The following MERTK variants were observed in gnomAD, a reference collection of about 807,000 sequenced individuals.
MERTK encodes the protein MER proto-oncogene, tyrosine kinase.
MERTK carries 69 observed loss-of-function variants against 99.3 expected under a neutral mutation model. The ratio of observed to expected loss-of-function variants is 0.70; its 90% CI spans 0.57 to 0.85. MERTK has a LOEUF of 0.85. MERTK is among the 40% of genes least tolerant of loss of function. The probability of loss-of-function intolerance (pLI) is 0.00; values close to 1 mark genes in which losing one functional copy is unlikely to be tolerated. For missense variants in MERTK, 1,125 were observed against 1,249.4 expected, an observed-to-expected ratio of 0.90 and a Z score of 1.50; for synonymous variants, 426 against 467.6, an observed-to-expected ratio of 0.91 and a Z score of 1.15.
intron 7 of MERTK, among the ~76,000 whole-genome samples, chr2:111,982,086 G>T (rs1211147743): frequency 1.3e-5 from 2 of 151,060 alleles, no homozygotes; most frequent in Admixed American, 6.6e-5. Flanking sequence ...TTGAGATAGG[G>T]TCTTGCCCTG....
chr2:111,988,059 G>T (rs539899664), intron 8 of MERTK, among the ~76,000 whole-genome samples: 1 of 149,264 alleles, frequency 6.7e-6, no homozygotes, highest in Non-Finnish European at 1.5e-5. Flanking sequence ...GCACGATCTC[G>T]GCTCACTGCA....
chr2:112,025,267 C>T (rs1677440443), intron 18 of MERTK, among the ~76,000 whole-genome samples: 1 of 152,174 alleles, frequency 6.6e-6, no homozygotes, highest in African/African-American at 2.4e-5. Flanking sequence ...CTACCTGCAT[C>T]AGCCACCTTG....
intron 4 of MERTK, among the ~76,000 whole-genome samples, chr2:111,947,884 G>T (rs1684989612): frequency 6.6e-6 from 1 of 152,168 alleles, no homozygotes; most frequent in Non-Finnish European, 1.5e-5. Flanking sequence ...TTGCTGGTCT[G>T]TCAGGTCTTG....
chr2:111,923,163 G>A (rs1684496719), intron 1 of MERTK, among the ~76,000 whole-genome samples: 1 of 152,170 alleles, frequency 6.6e-6, no homozygotes, highest in South Asian at 2.1e-4. Flanking sequence ...CAATCATCAT[G>A]ATGGGTTCAG....
At chr2:111,999,166 A>G (rs1275313357) in intron 10 of MERTK, among the ~76,000 whole-genome samples, 1 of 152,204 alleles carries the variant, frequency 6.6e-6, no homozygotes, top group African/African-American at 2.4e-5. Context: ...TCTCTTTAAA[A>G]TAATCTATGT....
chr2:111,942,711 G>A (rs1292590964), intron 2 of MERTK, among the ~76,000 whole-genome samples: 2 of 152,120 alleles, frequency 1.3e-5, no homozygotes, highest in South Asian at 2.1e-4. Context: ...ACAAAAGAAC[G>A]AGGGGAAAGG....
In MERTK at chr2:111,951,895, A is replaced by G. The variant is rs138736460; in HGVS notation, c.757+4328A>G. The stretch of plus-strand genomic sequence containing the variant: ...AATTATTTACTATTAGTAAATAGAA[A>G]ATAGATTTTTGTATGTTTTATAAAA... On this transcript the variant is annotated intron_variant, in intron 4 of 18. Coordinates refer to ENST00000295408, the MANE Select transcript of MERTK (RefSeq NM_006343.3). 5.5e-3 allele frequency among the ~76,000 whole-genome samples: 840 copies of G among 152,250 alleles called. 9 individuals carry two copies. Among genetic ancestry groups the G allele is most frequent in the African/African-American group, 0.02 (811 of 41,536 alleles).
chr2:111,914,903 A>G (rs1372661860), intron 1 of MERTK, among the ~76,000 whole-genome samples: 1 of 152,190 alleles, frequency 6.6e-6, no homozygotes, highest in Non-Finnish European at 1.5e-5. Flanking sequence ...CTAGCTTCAT[A>G]AAATATATTA....
intron 8 of MERTK, among the ~76,000 whole-genome samples, chr2:111,993,373 G>A (rs1426750831): frequency 6.6e-6 from 1 of 152,118 alleles, no homozygotes; most frequent in African/African-American, 2.4e-5. Flanking sequence ...GTTACCAATA[G>A]CACTGCCTTT....
intron 6 of MERTK, among the ~76,000 whole-genome samples, chr2:111,969,867 A>G (rs1197707030): frequency 6.6e-6 from 1 of 150,548 alleles, no homozygotes; most frequent in Non-Finnish European, 1.5e-5. Flanking sequence ...AATTTTTTGT[A>G]TTTTTAGTAG....
At chr2:111,951,190 C>CT (rs1171052662) in intron 4 of MERTK, among the ~76,000 whole-genome samples, 3 of 151,374 alleles carry the variant, frequency 2.0e-5, no homozygotes, top group African/African-American at 7.3e-5. Context: ...GATGAGAACA[C>CT]TTAAGATCTA....
rs778044581 is a variant in MERTK, at chr2:112,028,386, C to G, written c.2522C>G (p.Pro841Arg). ...ATGTACTCTTGCTGGAGAACCGATC[C>G]CTTAGACCGCCCCACCTTTTCAGTA... is the stretch of plus-strand genomic sequence containing the variant. ...EIMYSCWRTD[P>R]LDRPTFSVLR... is the part of the protein sequence containing the mutation. The change falls in exon 19 of 19, where the codon CCC becomes CGC. Residue 841 changes from proline (P) to arginine (R), a missense_variant. Pro to Arg is a moderately radical substitution (Grantham distance 103). Transcript: ENST00000295408. 5.6e-6 allele frequency: 9 copies of G among 1,614,146 alleles called. No individual in the cohort carries two copies. Among genetic ancestry groups the G allele is most frequent in the East Asian group, 2.2e-5 (1 of 44,880 alleles).
At chr2:111,932,454 T>TA (rs1684691130) in intron 2 of MERTK, among the ~76,000 whole-genome samples, 1 of 152,208 alleles carries the variant, frequency 6.6e-6, no homozygotes, top group South Asian at 2.1e-4. Context: ...GTGCTGGGAT[T>TA]ATAGGCGTGA....
intron 8 of MERTK, among the ~76,000 whole-genome samples, chr2:111,985,624 A>C (rs1374398527): frequency 6.6e-6 from 1 of 152,194 alleles, no homozygotes; most frequent in African/African-American, 2.4e-5. Flanking sequence ...GGGAGCCCTC[A>C]CAATCATGGC....
chr2:111,955,250 T>A (rs1685126089), intron 4 of MERTK, among the ~76,000 whole-genome samples: 1 of 152,236 alleles, frequency 6.6e-6, no homozygotes, highest in Non-Finnish European at 1.5e-5. Context: ...TTATTTTTCC[T>A]CTGTGTTGTA....
At chr2:112,005,079 T>C (rs1676953713) in intron 13 of MERTK, among the ~76,000 whole-genome samples, 2 of 152,122 alleles carry the variant, frequency 1.3e-5, no homozygotes, top group African/African-American at 4.8e-5. Context: ...TTCTTTTTTT[T>C]TTAATTGAGA....
intron 1 of MERTK, among the ~76,000 whole-genome samples, chr2:111,912,714 A>C (rs900640832): frequency 4.6e-5 from 7 of 152,176 alleles, no homozygotes; most frequent in African/African-American, 1.7e-4. Context: ...CTAGATTGTG[A>C]AGTGAGTGAT....
chr2:112,016,033 G>C (rs76615843), intron 15 of MERTK, among the ~76,000 whole-genome samples: 1 of 152,092 alleles, frequency 6.6e-6, no homozygotes, highest in Non-Finnish European at 1.5e-5. Flanking sequence ...CCCATCCTTT[G>C]CCCCTATCAC....
intron 2 of MERTK, among the ~76,000 whole-genome samples, chr2:111,935,588 T>C (rs1684749539): frequency 6.6e-6 from 1 of 151,854 alleles, no homozygotes; most frequent in African/African-American, 2.4e-5. Context: ...AGATTTGGCA[T>C]CATGCACAAG....
Sources: gnomAD v4.1 joint callset for allele counts (sites outside exome capture counted in the v4.1 genomes callset) on GRCh38, gnomAD v4.1.1 for gene constraint, MANE v1.5 for transcripts, NCBI Gene and HGNC (gene_info 2026-07-23, HGNC 2026-07-21) for gene names.